Variants in SAMD14 observed in about 807,000 individuals in gnomAD.
The protein encoded by SAMD14 is sterile alpha motif domain-containing protein 14.
A neutral mutation model predicts 46.2 loss-of-function variants in SAMD14; 27 were observed. That is an observed-to-expected ratio of 0.58 (90% CI 0.43 to 0.81). SAMD14 has a LOEUF of 0.81. Ranked by LOEUF, SAMD14 falls within the 30% of genes least tolerant of loss-of-function variation. The probability of loss-of-function intolerance (pLI) is 0.00; values close to 1 mark genes in which losing one functional copy is unlikely to be tolerated. For synonymous variants in SAMD14, 241 were observed against 254.3 expected (o/e 0.95, Z 0.50); for missense variants, 559 against 582.2 (o/e 0.96, Z 0.41).
chr17:50,129,156 C>A lies in SAMD14; in HGVS notation c.-13+361G>T, dbSNP rs191134671. ...AGATGGGGTGAGGTTGGGGACAGGG[C>A]ACCTACTCCACTCTCAGAGCCCTTC... On this transcript the variant is annotated intron_variant, in intron 1 of 9. Transcript: ENST00000330175. This position sits in a 1 kb window ranked among gnomAD's most constrained non-coding sequence, Gnocchi z 5.6. Among the ~76,000 whole-genome samples, 34 of 152,186 alleles carry A rather than the reference C, an allele frequency of 2.2e-4. No homozygotes were observed. The highest frequency in any genetic ancestry group is 8.2e-4 in the African/African-American group (34 of 41,508).
rs1251927255 is a variant in SAMD14, at chr17:50,129,831, T to TGC, written c.-328_-327insGC. 6.7e-6 allele frequency: 1 copy of TGC among 148,268 alleles called. No homozygotes were observed. The highest frequency in any genetic ancestry group is 1.5e-5 in the Non-Finnish European group (1 of 67,512). The allele number at this position is 148,268 out of a possible 1,614,324, so 9.2% of individuals were successfully genotyped here. ...GTGTGTGTGCGTGTGCGTGTGCGTG[T>TGC]GTGTGTGTGTGACAGAGAGAGAGAG... is the stretch of plus-strand genomic sequence containing the variant. On this transcript the variant is annotated 5_prime_UTR_variant, in exon 1 of 10. Coordinates refer to ENST00000330175, the MANE Select transcript of SAMD14 (RefSeq NM_001257359.2). This position sits in a 1 kb window ranked among gnomAD's most constrained non-coding sequence, Gnocchi z 5.6.
chr17:50,126,249 CT>C (rs1215295239), intron 1 of SAMD14, among the ~76,000 whole-genome samples: 1 of 151,952 alleles, frequency 6.6e-6, no homozygotes, highest in Non-Finnish European at 1.5e-5. Context: ...TTTTCCAACT[CT>C]TCTTTTCTGT....
In SAMD14 at chr17:50,110,849, G is replaced by C. The variant is rs1910792863; in HGVS notation, c.*2044C>G. On this transcript the variant is annotated 3_prime_UTR_variant, in exon 10 of 10. Coordinates refer to ENST00000330175, the MANE Select transcript of SAMD14 (RefSeq NM_001257359.2). Reference sequence around the variant, plus strand: ...TCCACAAGCCTAGTCCATCCTGCCTGAGCTCCAGCCCCCAGCCCCCACTGT... The same window carrying C: ...TCCACAAGCCTAGTCCATCCTGCCTCAGCTCCAGCCCCCAGCCCCCACTGT... 6.6e-6 allele frequency: 1 copy of C among 152,194 alleles called. No individual in the cohort carries two copies. Among genetic ancestry groups the C allele is most frequent in the Admixed American group, 6.5e-5 (1 of 15,274 alleles). 9.4% of individuals were successfully genotyped at this position (152,194 alleles called of 1,614,324 possible). A position where few individuals can be genotyped will look rare whatever the true frequency, so the allele number is the denominator to read the frequency against.
chr17:50,129,920 C>G lies in SAMD14; in HGVS notation c.-416G>C, dbSNP rs1370721566. 6.6e-6 allele frequency: 1 copy of G among 151,852 alleles called. No homozygotes were observed. The highest frequency in any genetic ancestry group is 6.6e-5 in the Admixed American group (1 of 15,260). The allele number at this position is 151,852 out of a possible 1,614,324, so 9.4% of individuals were successfully genotyped here. On this transcript the variant is annotated 5_prime_UTR_variant, in exon 1 of 10. Transcript: ENST00000330175. This position sits in a 1 kb window ranked among gnomAD's most constrained non-coding sequence, Gnocchi z 5.6. ...GCCCCTGCCGCCCGCCAGGCCTGGC[C>G]GGACGCGGGGCCCCCGCCTGGCAGG...
At chr17:50,124,213 CT>C (rs1158069658) in intron 2 of SAMD14, 9 of 455,954 alleles carry the variant, frequency 2.0e-5, no homozygotes, top group African/African-American at 1.8e-4. Flanking sequence ...TGGTTTCTTT[CT>C]CCAGTCCACA....
At chr17:50,120,454 A>T (rs1911451328) in intron 2 of SAMD14, among the ~76,000 whole-genome samples, 1 of 152,174 alleles carries the variant, frequency 6.6e-6, no homozygotes, top group Non-Finnish European at 1.5e-5. Context: ...TATTACAAAC[A>T]GCCTCCTAGC....
rs1910884022 is a variant in SAMD14 at position 50,112,149 on chromosome 17, A to G, written c.*744T>C. 6.6e-6 allele frequency: 1 copy of G among 152,168 alleles called. No individual in the cohort carries two copies. Among genetic ancestry groups the G allele is most frequent in the East Asian group, 1.9e-4 (1 of 5,188 alleles). 9.4% of individuals were successfully genotyped at this position (152,168 alleles called of 1,614,324 possible). ...TCCTGGCTTGGAGAATGGGTCAAAG[A>G]CCAGGTCTTGAATGGGCCCTGAGAG... On this transcript the variant is annotated 3_prime_UTR_variant, in exon 10 of 10. Transcript: ENST00000330175.
intron 9 of SAMD14, chr17:50,113,500 G>A (rs1259378642): frequency 3.6e-6 from 1 of 274,458 alleles, no homozygotes; most frequent in Non-Finnish European, 7.0e-6. Context: ...CAGCTTATAG[G>A]TCAGAGGCCA....
Position 50,112,611 on chromosome 17 carries a change from TG to T in SAMD14, c.*281del, listed in dbSNP as rs1910914225. On this transcript the variant is annotated 3_prime_UTR_variant, in exon 10 of 10. Transcript: ENST00000330175. The stretch of plus-strand genomic sequence containing the variant: ...CAGCCTCCCAGACTTGCCTCAGCCC[TG>T]GCCTCTCTGCCCTCTCCCCTTCATC... The T allele has an allele frequency of 1.6e-5, 5 of 320,030 alleles. No individual in the cohort carries two copies. The highest frequency in any genetic ancestry group is 2.9e-5 in the Non-Finnish European group (5 of 174,188). 19.8% of individuals were successfully genotyped at this position (320,030 alleles called of 1,614,324 possible).
chr17:50,121,032 G>T (rs893472113), intron 2 of SAMD14, among the ~76,000 whole-genome samples: 2 of 152,176 alleles, frequency 1.3e-5, no homozygotes, highest in Non-Finnish European at 2.9e-5. Context: ...CTCTACCACA[G>T]GCAGAGAACA....
intron 2 of SAMD14, among the ~76,000 whole-genome samples, chr17:50,123,111 A>G (rs1232036872): frequency 6.6e-6 from 1 of 152,182 alleles, no homozygotes; most frequent in African/African-American, 2.4e-5. Flanking sequence ...GTGCTTTACA[A>G]TTACTATCTC....
chr17:50,113,120 C>T (rs951547825), intron 9 of SAMD14, 72 bp from the exon 10 acceptor site: 4 of 1,562,494 alleles, frequency 2.6e-6, no homozygotes, highest in Non-Finnish European at 3.5e-6. Flanking sequence ...GCCCAGGCTC[C>T]TTTTGCCCCA....
rs1416830185 is a variant in SAMD14, at chr17:50,114,257, A to C, written c.872T>G (p.Ile291Ser). The C allele has an allele frequency of 1.2e-6, 2 of 1,613,892 alleles. No individual in the cohort carries two copies. The highest frequency in any genetic ancestry group is 2.2e-5 in the South Asian group (2 of 91,070). The change falls in exon 8 of 10, where the codon ATC becomes AGC. Residue 291 changes from isoleucine (I) to serine (S), a missense_variant. Ile to Ser is a moderately radical substitution (Grantham distance 142). Coordinates refer to ENST00000330175, the MANE Select transcript of SAMD14 (RefSeq NM_001257359.2). ...GGCCTCCTGCCAGGGCCCACTGGGG[A>C]TCTTGGGGCTGCTGCTGGGGGGCGT... ...DSTPPSSSPKIPSGPWQEAKC... is the reference protein window; with the variant it reads ...DSTPPSSSPKSPSGPWQEAKC...
At chr17:50,124,638 G>T (rs1416984789) in intron 2 of SAMD14, among the ~76,000 whole-genome samples, 1 of 152,146 alleles carries the variant, frequency 6.6e-6, no homozygotes, top group East Asian at 1.9e-4. Context: ...TGAGATGGGG[G>T]TGCTTAACCT....
chr17:50,119,361 G>C (rs1242066611), intron 2 of SAMD14, among the ~76,000 whole-genome samples: 1 of 152,080 alleles, frequency 6.6e-6, no homozygotes, highest in Non-Finnish European at 1.5e-5. Context: ...GTCTTCCCAG[G>C]CTTCAAGATG....
intron 9 of SAMD14, chr17:50,113,326 A>G (rs966449397): frequency 4.9e-5 from 20 of 411,158 alleles, no homozygotes; most frequent in Middle Eastern, 6.7e-4. Context: ...CTTGGCCCGG[A>G]CCTGCCCAAC....
intron 2 of SAMD14, among the ~76,000 whole-genome samples, chr17:50,121,540 A>G (rs1388109400): frequency 6.6e-6 from 1 of 150,460 alleles, no homozygotes; most frequent in African/African-American, 2.5e-5. Flanking sequence ...CTGGTCTTGA[A>G]CTCCTGGCCT....
rs772477860 is a variant in SAMD14 at position 50,114,187 on chromosome 17, C to T, written c.942G>A (p.Glu314=). The part of the protein sequence containing the change: ...PYHTLSQSSD[E]FLDEPLPPVH... ...GGCACCCTGGGCCAGCCTTGCTCAC[C>T]TCATCTGAAGACTGAGACAGCGTGT... Residue 314 remains glutamate, a splice_region_variant and synonymous_variant, in exon 8 of 10, where the codon GAG becomes GAA. Coordinates refer to ENST00000330175, the MANE Select transcript of SAMD14 (RefSeq NM_001257359.2). 12 of 1,614,156 alleles carry T rather than the reference C, an allele frequency of 7.4e-6. No individual in the cohort carries two copies. The East Asian group carries it at 8.9e-5, about 12-fold the overall frequency.
Position 50,115,811 on chromosome 17 carries a change from C to T in SAMD14, c.662+19G>A, listed in dbSNP as rs201123383. The T allele has an allele frequency of 2.4e-3, 3,928 of 1,612,562 alleles. 14 individuals are homozygous for T. The highest frequency in any genetic ancestry group is 3.3e-3 in the South Asian group (304 of 91,074). On this transcript the variant is annotated intron_variant, in intron 6 of 9. Coordinates refer to ENST00000330175, the MANE Select transcript of SAMD14 (RefSeq NM_001257359.2). The surrounding 1 kb of genome is among the most constrained non-coding windows in gnomAD (Gnocchi z 5.3). ...CCAGGGGCGGGAGCTGTGGGTGGGC[C>T]GCCATGGGCACCTCTCACCTGCTGC... is the stretch of plus-strand genomic sequence containing the variant.
Sources: allele counts gnomAD v4.1 joint callset (sites outside exome capture counted in the v4.1 genomes callset), GRCh38; gene constraint gnomAD v4.1.1; non-coding constraint Gnocchi (gnomAD v3.1); transcripts MANE v1.5; gene names NCBI Gene and HGNC (gene_info 2026-07-23, HGNC 2026-07-21).